Variants in PRDM1 observed in about 807,000 individuals in gnomAD.
The protein encoded by PRDM1 is PR/SET domain 1.
In PRDM1, 13 loss-of-function variants were observed where a neutral mutation model predicts 62.8. That is an observed-to-expected ratio of 0.21 (90% CI 0.13 to 0.33). The LOEUF is 0.33. Among genes scored for constraint, PRDM1 ranks in the 10% least tolerant of loss-of-function variants. The pLI is 1.00. For synonymous variants in PRDM1, 396 were observed against 417.6 expected (o/e 0.95, Z 0.63); for missense variants, 895 against 1,058.8 (o/e 0.85, Z 2.15).
chr6:106,051,268 C>A (rs1773169411), intron 1 of PRDM1, among the ~76,000 whole-genome samples: 1 of 152,318 alleles, frequency 6.6e-6, no homozygotes, highest in Admixed American at 6.5e-5. Flanking sequence ...ATTGTTAACT[C>A]TTTGAGTTGG....
chr6:106,005,647 A>G (rs563039191), intron 1 of PRDM1, among the ~76,000 whole-genome samples: 1 of 152,240 alleles, frequency 6.6e-6, no homozygotes, highest in East Asian at 1.9e-4. Context: ...TAGAATTATC[A>G]TTAAAACACT....
chr6:106,080,283 T>C (rs979783723), intron 1 of PRDM1, among the ~76,000 whole-genome samples: 2 of 152,112 alleles, frequency 1.3e-5, no homozygotes, highest in African/African-American at 2.4e-5. Flanking sequence ...TGCCACTTGT[T>C]GAGCCTAATG....
At chr6:106,069,807 G>A (rs980028250) in intron 1 of PRDM1, among the ~76,000 whole-genome samples, 1 of 152,196 alleles carries the variant, frequency 6.6e-6, no homozygotes, top group Non-Finnish European at 1.5e-5. Flanking sequence ...AGTGGAAGAG[G>A]TTGCTTCGGT....
intron 1 of PRDM1, among the ~76,000 whole-genome samples, chr6:106,066,865 T>C (rs1055168033): frequency 3.3e-5 from 5 of 152,234 alleles, no homozygotes; most frequent in African/African-American, 1.2e-4. Flanking sequence ...TGTTCTTTAT[T>C]ATAAAATTAT....
intron 1 of PRDM1, among the ~76,000 whole-genome samples, chr6:106,076,673 T>C (rs1481842191): frequency 2.6e-5 from 4 of 152,248 alleles, no homozygotes; most frequent in African/African-American, 9.6e-5. Context: ...ACTTAAGATG[T>C]ACAACTGTTT....
At chr6:106,093,883 T>C (rs532819802) in intron 2 of PRDM1, among the ~76,000 whole-genome samples, 16 of 152,212 alleles carry the variant, frequency 1.1e-4, no homozygotes, top group Admixed American at 3.3e-4. Context: ...TTTCAACTTA[T>C]GTTAGGTGTA....
chr6:105,994,847 C>A lies in PRDM1; in HGVS notation c.-67+1208C>A, dbSNP rs1010009123. 4.6e-5 allele frequency among the ~76,000 whole-genome samples: 7 copies of A among 152,322 alleles called. No individual in the cohort carries two copies. In the East Asian group the frequency reaches 7.7e-4, roughly 17 times the overall value. The stretch of plus-strand genomic sequence containing the variant: ...TGTCAGCCCTCCAGTCCCGCCGCGT[C>A]GGGAATGCGAGCCCGGCCACGCGGT... On this transcript the variant is annotated intron_variant, in intron 1 of 6. Coordinates refer to the PRDM1 transcript ENST00000652320. This position sits in a 1 kb window ranked among gnomAD's most constrained non-coding sequence, Gnocchi z 4.1.
chr6:106,040,587 T>C (rs1309805235), intron 1 of PRDM1, among the ~76,000 whole-genome samples: 1 of 152,238 alleles, frequency 6.6e-6, no homozygotes, highest in African/African-American at 2.4e-5. Flanking sequence ...AGTTCAAACC[T>C]GTATCCTGTG....
At chr6:106,059,149 G>A (rs534827499) in intron 1 of PRDM1, among the ~76,000 whole-genome samples, 1 of 152,234 alleles carries the variant, frequency 6.6e-6, no homozygotes, top group East Asian at 1.9e-4. Flanking sequence ...ATTCTAGAGG[G>A]AGAGACAGAT....
At chr6:106,029,293 T>A (rs1463761387) in intron 1 of PRDM1, among the ~76,000 whole-genome samples, 2 of 152,182 alleles carry the variant, frequency 1.3e-5, no homozygotes, top group Non-Finnish European at 2.9e-5. Flanking sequence ...AAGAGTTAAT[T>A]TATATGTATG....
chr6:106,038,038 A>T (rs1582434336), intron 1 of PRDM1, among the ~76,000 whole-genome samples: 1 of 5,378 alleles, frequency 1.9e-4, no homozygotes. Flanking sequence ...TTTTTTTGAG[A>T]CAGAGTCTCA....
intron 1 of PRDM1, among the ~76,000 whole-genome samples, chr6:106,030,007 T>C (rs1772821170): frequency 6.6e-6 from 1 of 152,242 alleles, no homozygotes; most frequent in Admixed American, 6.5e-5. Context: ...TCTTCTTTGA[T>C]GAAGTTTCTA....
At chr6:106,059,124 C>G (rs896964874) in intron 1 of PRDM1, among the ~76,000 whole-genome samples, 23 of 152,050 alleles carry the variant, frequency 1.5e-4, no homozygotes, top group African/African-American at 4.8e-4. Context: ...ATTCTGTAAC[C>G]CCAATAGGGG....
chr6:106,068,090 C>G (rs1355679578), intron 1 of PRDM1, among the ~76,000 whole-genome samples: 1 of 150,714 alleles, frequency 6.6e-6, no homozygotes, highest in Non-Finnish European at 1.5e-5. Context: ...CTCCAGCCAC[C>G]CTGTTCTTTT....
At chr6:106,025,634 G>C (rs1772753809) in intron 1 of PRDM1, among the ~76,000 whole-genome samples, 1 of 151,884 alleles carries the variant, frequency 6.6e-6, no homozygotes, top group Non-Finnish European at 1.5e-5. Flanking sequence ...TGAGAGGAGG[G>C]ATATATGCAA....
intron 1 of PRDM1, among the ~76,000 whole-genome samples, chr6:106,027,187 C>T (rs780755141): frequency 2.0e-5 from 3 of 152,104 alleles, no homozygotes; most frequent in African/African-American, 7.2e-5. Context: ...CGGGAAGTGC[C>T]GGGGGAGGGG....
intron 2 of PRDM1, among the ~76,000 whole-genome samples, chr6:106,088,745 C>G (rs1226115698): frequency 6.6e-6 from 1 of 152,182 alleles, no homozygotes; most frequent in Non-Finnish European, 1.5e-5. Context: ...CAGTGAACTT[C>G]AAGAAAGCTC....
intron 1 of PRDM1, 50 bp downstream of exon 1, chr6:106,086,645 T>C: frequency 6.9e-7 from 1 of 1,456,946 alleles, no homozygotes; most frequent in African/African-American, 1.4e-5. Flanking sequence ...ATCTGAAAAC[T>C]TTATTTTCTT....
chr6:106,030,712 G>A (rs538171112), intron 1 of PRDM1, among the ~76,000 whole-genome samples: 25 of 152,196 alleles, frequency 1.6e-4, no homozygotes, highest in African/African-American at 6.0e-4. Context: ...TATATGTATG[G>A]TGATAAGGGT....
Sources: gnomAD v4.1 joint callset for allele counts (sites outside exome capture counted in the v4.1 genomes callset) on GRCh38, gnomAD v4.1.1 for gene constraint, Gnocchi (gnomAD v3.1) non-coding constraint, MANE v1.5 for transcripts, NCBI Gene and HGNC (gene_info 2026-07-23, HGNC 2026-07-21) for gene names.